Variants in CPNE8 observed in about 807,000 individuals in gnomAD.
CPNE8 encodes copine-8.
Under a neutral mutation model 81.5 loss-of-function variants are expected in CPNE8, and 45 were observed. The ratio of observed to expected loss-of-function variants is 0.55; its 90% CI spans 0.44 to 0.71. The LOEUF (loss-of-function observed/expected upper bound fraction) is 0.71, where lower values mean the gene tolerates loss of function less well. Among genes scored for constraint, CPNE8 ranks in the 30% least tolerant of loss-of-function variants. CPNE8 has a pLI of 0.00. For synonymous variants in CPNE8, 252 were observed against 226.3 expected, an observed-to-expected ratio of 1.11 and a Z score of -1.02; for missense variants, 594 against 672.1, an observed-to-expected ratio of 0.88 and a Z score of 1.28.
chr12:38,769,243 A>G (rs563378064), intron 7 of CPNE8, among the ~76,000 whole-genome samples: 5 of 152,318 alleles, frequency 3.3e-5, no homozygotes, highest in African/African-American at 1.2e-4. Flanking sequence ...TGTAGCATGT[A>G]GCTGTGATAA....
At chr12:38,809,102 T>G (rs1942882138) in intron 6 of CPNE8, among the ~76,000 whole-genome samples, 1 of 152,154 alleles carries the variant, frequency 6.6e-6, no homozygotes, top group South Asian at 2.1e-4. Flanking sequence ...TTATGTCAGT[T>G]TTCTAAAATT....
intron 16 of CPNE8, among the ~76,000 whole-genome samples, chr12:38,682,989 G>A (rs1224843237): frequency 6.6e-6 from 1 of 152,066 alleles, no homozygotes; most frequent in East Asian, 1.9e-4. Flanking sequence ...AAGGAGGACT[G>A]GAAAGGCAAG....
chr12:38,818,701 TC>T (rs1214002050), intron 6 of CPNE8, among the ~76,000 whole-genome samples: 1 of 152,194 alleles, frequency 6.6e-6, no homozygotes, highest in African/African-American at 2.4e-5. Flanking sequence ...CTTTTAGGAA[TC>T]CCCACACTGT....
At chr12:38,797,495 G>A (rs923567230) in intron 6 of CPNE8, among the ~76,000 whole-genome samples, 3 of 152,120 alleles carry the variant, frequency 2.0e-5, no homozygotes, top group Non-Finnish European at 4.4e-5. Flanking sequence ...GGTCCTGTCT[G>A]TTAGAAGGAA....
At chr12:38,891,988 A>G (rs903563430) in intron 1 of CPNE8, among the ~76,000 whole-genome samples, 11 of 152,248 alleles carry the variant, frequency 7.2e-5, no homozygotes, top group Non-Finnish European at 7.3e-5. Flanking sequence ...ATAAAACAAA[A>G]AGAATGTACA....
In CPNE8 at chr12:38,742,711, T is replaced by TAAATAAATAAATAAAA. The variant is rs59403727; in HGVS notation, c.723-12354_723-12353insTTTTATTTATTTATTT. ...ATAAATAAATAAATAAATAAATAAA[T>TAAATAAATAAATAAAA]ATAAAACATAAACCATAGGAAGAAT... On this transcript the variant is annotated intron_variant, in intron 10 of 19. Transcript: ENST00000331366. Among the ~76,000 whole-genome samples the TAAATAAATAAATAAAA allele has an allele frequency of 4.4e-3, 635 of 145,560 alleles. 10 individuals carry two copies. The highest frequency in any genetic ancestry group is 7.6e-3 in the Admixed American group (110 of 14,504).
At chr12:38,779,159 A>T (rs985372428) in intron 6 of CPNE8, among the ~76,000 whole-genome samples, 3 of 152,182 alleles carry the variant, frequency 2.0e-5, no homozygotes, top group Non-Finnish European at 4.4e-5. Context: ...CACACTTTAC[A>T]ATGCTGAATA....
intron 3 of CPNE8, among the ~76,000 whole-genome samples, chr12:38,864,522 G>T (rs1416295614): frequency 6.6e-6 from 1 of 152,016 alleles, no homozygotes; most frequent in Non-Finnish European, 1.5e-5. Flanking sequence ...AAACAGTATG[G>T]TATTACACAA....
intron 13 of CPNE8, among the ~76,000 whole-genome samples, chr12:38,708,558 T>A (rs1000505077): frequency 6.6e-6 from 1 of 152,192 alleles, no homozygotes; most frequent in African/African-American, 2.4e-5. Context: ...TTTTAGAATA[T>A]AAAAAGTTAT....
At chr12:38,767,271 A>T (rs1941709124) in intron 8 of CPNE8, among the ~76,000 whole-genome samples, 2 of 152,066 alleles carry the variant, frequency 1.3e-5, no homozygotes, top group African/African-American at 4.8e-5. Flanking sequence ...AAAAACCCAC[A>T]AGCTCCATAT....
intron 19 of CPNE8, among the ~76,000 whole-genome samples, chr12:38,656,261 C>T (rs1307248404): frequency 6.7e-6 from 1 of 150,188 alleles, no homozygotes; most frequent in Non-Finnish European, 1.5e-5. Flanking sequence ...AGGTATAATG[C>T]TTTAAATGTT....
At chr12:38,679,665 T>C in intron 16 of CPNE8, 1 of 985,060 alleles carries the variant, frequency 1.0e-6, no homozygotes, top group Non-Finnish European at 1.2e-6. Flanking sequence ...TTGTTGCTTC[T>C]TTGGCACTTG....
chr12:38,797,609 C>A (rs1043699311), intron 6 of CPNE8, among the ~76,000 whole-genome samples: 2 of 152,102 alleles, frequency 1.3e-5, no homozygotes, highest in South Asian at 4.1e-4. Flanking sequence ...AAAAACAGAG[C>A]AGAAAAACTG....
intron 6 of CPNE8, among the ~76,000 whole-genome samples, chr12:38,791,486 G>A (rs1040413004): frequency 1.3e-5 from 2 of 151,352 alleles, no homozygotes; most frequent in African/African-American, 4.8e-5. Context: ...AATAAAAATA[G>A]AGAAGAGAGT....
chr12:38,699,967 G>A (rs993879642), intron 14 of CPNE8, among the ~76,000 whole-genome samples: 2 of 151,982 alleles, frequency 1.3e-5, no homozygotes. Flanking sequence ...GATTTTCAGT[G>A]GATTCTTTAG....
chr12:38,743,248 C>T (rs1161753889), intron 10 of CPNE8, among the ~76,000 whole-genome samples: 1 of 151,968 alleles, frequency 6.6e-6, no homozygotes, highest in African/African-American at 2.4e-5. Context: ...GATATTACAA[C>T]CACTAAATAT....
chr12:38,737,851 C>T (rs1036201898), intron 10 of CPNE8, among the ~76,000 whole-genome samples: 9 of 151,852 alleles, frequency 5.9e-5, no homozygotes, highest in Non-Finnish European at 8.8e-5. Context: ...CCTGCACAAA[C>T]GTATACAACA....
intron 13 of CPNE8, among the ~76,000 whole-genome samples, chr12:38,719,474 A>G (rs1940495432): frequency 6.6e-6 from 1 of 151,452 alleles, no homozygotes. Flanking sequence ...GTGGTGGCAC[A>G]TGCCTGTAAT....
chr12:38,735,723 A>T (rs1940938449), intron 10 of CPNE8, among the ~76,000 whole-genome samples: 1 of 151,988 alleles, frequency 6.6e-6, no homozygotes, highest in South Asian at 2.1e-4. Flanking sequence ...AAGAAATATG[A>T]CCTTTCAGTA....
Sources: allele counts gnomAD v4.1 joint callset (sites outside exome capture counted in the v4.1 genomes callset), GRCh38; gene constraint gnomAD v4.1.1; transcripts MANE v1.5; gene names NCBI Gene and HGNC (gene_info 2026-07-23, HGNC 2026-07-21).